Variants in DGCR2 observed in about 807,000 individuals in gnomAD.
DGCR2 encodes integral membrane protein DGCR2/IDD.
In DGCR2, 24 loss-of-function variants were observed where a neutral mutation model predicts 51.6. The observed-to-expected ratio is 0.47, with a 90% confidence interval of 0.34 to 0.65. DGCR2 has a LOEUF of 0.65. DGCR2 is among the 30% of genes least tolerant of loss of function. DGCR2 has a pLI of 0.01. For missense variants in DGCR2, 765 were observed against 772.1 expected (o/e 0.99, Z 0.11); for synonymous variants, 340 against 315.4 (o/e 1.08, Z -0.82).
intron 1 of DGCR2, among the ~76,000 whole-genome samples, chr22:19,111,679 C>G (rs930175124): frequency 2.6e-5 from 4 of 152,108 alleles, no homozygotes; most frequent in Non-Finnish European, 4.4e-5. Context: ...CTCCCCCATA[C>G]CACTGCATAC....
At chr22:19,063,055 G>C in intron 5 of DGCR2, 147 bp downstream of exon 5, 1 of 700,536 alleles carries the variant, frequency 1.4e-6, no homozygotes, top group Non-Finnish European at 2.4e-6. Flanking sequence ...CCCCATGACC[G>C]CAGCCCTCCC....
intron 2 of DGCR2, among the ~76,000 whole-genome samples, chr22:19,068,689 C>T (rs2082778933): frequency 6.6e-6 from 1 of 152,196 alleles, no homozygotes; most frequent in African/African-American, 2.4e-5. Flanking sequence ...GTCCTGGGGC[C>T]TGAGCTGCCT....
In DGCR2 at chr22:19,041,893, AAGG is replaced by A. The variant is rs772775284; in HGVS notation, c.1070_1072del (p.Ser357del). 745 of 1,613,654 alleles carry A rather than the reference AAGG, an allele frequency of 4.6e-4. 2 individuals are homozygous for A. The highest frequency in any genetic ancestry group is 5.8e-4 in the Non-Finnish European group (684 of 1,179,980). On this transcript the variant is annotated inframe_deletion, in exon 8 of 10. Transcript: ENST00000263196. Reference sequence around the variant, plus strand: ...GAAGAGCAGCAGTGACAGGATGAGGAAGGAGGAGATGCAGCTGACGACCAGGCG... The same window carrying A: ...GAAGAGCAGCAGTGACAGGATGAGGAAGGAGATGCAGCTGACGACCAGGCG...
At chr22:19,079,679 T>C (rs993525278) in intron 2 of DGCR2, among the ~76,000 whole-genome samples, 1 of 152,254 alleles carries the variant, frequency 6.6e-6, no homozygotes. Context: ...CAGGCACTAT[T>C]ATTTTCTCCA....
intron 1 of DGCR2, among the ~76,000 whole-genome samples, chr22:19,104,874 C>T (rs1214418202): frequency 6.6e-6 from 1 of 151,848 alleles, no homozygotes; most frequent in Non-Finnish European, 1.5e-5. Context: ...TTGTCCAGCA[C>T]ACTTCAAAGC....
chr22:19,065,615 G>A (rs2082739620), intron 3 of DGCR2: 1 of 158,618 alleles, frequency 6.3e-6, no homozygotes, highest in Non-Finnish European at 1.4e-5. Context: ...TAAGGTGTGG[G>A]CGATGCCACA....
At chr22:19,074,361 A>C (rs74553774) in intron 2 of DGCR2, among the ~76,000 whole-genome samples, 2,431 of 151,052 alleles carry the variant, frequency 0.016, 85 homozygotes, top group East Asian at 0.061. Flanking sequence ...AGGAGGTTGC[A>C]GTGAGCCGAG....
At chr22:19,114,062 GAAAAAAAAAAA>G (rs55948025) in intron 1 of DGCR2, among the ~76,000 whole-genome samples, 8 of 80,988 alleles carry the variant, frequency 9.9e-5, no homozygotes, top group East Asian at 7.5e-4. Context: ...TCCATTTGAG[GAAAAAAAAAAA>G]AAAAAAAAAA....
chr22:19,062,915 T>C (rs960395155), intron 5 of DGCR2, among the ~76,000 whole-genome samples: 1 of 152,058 alleles, frequency 6.6e-6, no homozygotes, highest in Non-Finnish European at 1.5e-5. Flanking sequence ...TGCTCATTTT[T>C]ATACTCCAAG....
At chr22:19,116,630 C>T (rs1227772484) in intron 1 of DGCR2, among the ~76,000 whole-genome samples, 1 of 152,186 alleles carries the variant, frequency 6.6e-6, no homozygotes, top group Non-Finnish European at 1.5e-5. Flanking sequence ...AAGAGAAAAT[C>T]TAATAGCATA....
chr22:19,051,036 A>C (rs1054975655), intron 6 of DGCR2, among the ~76,000 whole-genome samples: 2 of 151,998 alleles, frequency 1.3e-5, no homozygotes, highest in Non-Finnish European at 2.9e-5. Flanking sequence ...TAAAAATAGA[A>C]AAATTAGCCA....
At chr22:19,046,987 G>A (rs1170637427) in intron 7 of DGCR2, 1 of 158,304 alleles carries the variant, frequency 6.3e-6, no homozygotes, top group Non-Finnish European at 1.4e-5. Flanking sequence ...CATGGCTTGT[G>A]AACAGAGTTT....
chr22:19,068,324 G>C lies in DGCR2; in HGVS notation c.203-99C>G, dbSNP rs143812601. Reference sequence around the variant, plus strand: ...ACCACTCAGGGCTGCAAGGCCGGAGGGGGGGCCTGTAGCACAGAGTCCGGC... The same window carrying C: ...ACCACTCAGGGCTGCAAGGCCGGAGCGGGGGCCTGTAGCACAGAGTCCGGC... On this transcript the variant is annotated intron_variant, in intron 2 of 9. Transcript: ENST00000263196. The C allele has an allele frequency of 3.0e-3, 4,003 of 1,355,846 alleles. 63 individuals are homozygous for C. The highest frequency in any genetic ancestry group is 0.016 in the Admixed American group (464 of 28,676). The allele number at this position is 1,355,846 out of a possible 1,614,324, so 84.0% of individuals were successfully genotyped here.
intron 8 of DGCR2, 156 bp downstream of exon 8, chr22:19,041,651 C>T: frequency 1.1e-6 from 1 of 919,960 alleles, no homozygotes; most frequent in Non-Finnish European, 1.7e-6. Context: ...TTGGCAAGAA[C>T]TTTCCTGGCC....
chr22:19,114,164 AAAG>A (rs2083349136), intron 1 of DGCR2, among the ~76,000 whole-genome samples: 3 of 151,994 alleles, frequency 2.0e-5, no homozygotes, highest in Admixed American at 2.0e-4. Flanking sequence ...AAAAAAAAAA[AAAG>A]AATGAAGTTA....
At chr22:19,120,285 C>G (rs2083418647) in intron 1 of DGCR2, among the ~76,000 whole-genome samples, 1 of 152,214 alleles carries the variant, frequency 6.6e-6, no homozygotes, top group Admixed American at 6.5e-5. Context: ...ATGCCCTACT[C>G]CGACCTCAGT....
intron 1 of DGCR2, among the ~76,000 whole-genome samples, chr22:19,102,353 G>A (rs939918390): frequency 2.6e-5 from 4 of 152,172 alleles, no homozygotes; most frequent in African/African-American, 7.2e-5. Flanking sequence ...AATGGTGCTC[G>A]TTCCATAACA....
intron 6 of DGCR2, chr22:19,056,302 G>A (rs112749344): frequency 0.028 from 5,644 of 198,174 alleles, 144 homozygotes; most frequent in South Asian, 0.061. Context: ...GCAACAGAGC[G>A]AGACTCTGTC....
intron 3 of DGCR2, among the ~76,000 whole-genome samples, chr22:19,066,312 G>T (rs2082747930): frequency 6.6e-6 from 1 of 151,996 alleles, no homozygotes; most frequent in Non-Finnish European, 1.5e-5. Context: ...GAGGTTGGAG[G>T]ATCACTTGAG....
Sources: gnomAD v4.1 joint callset for allele counts (sites outside exome capture counted in the v4.1 genomes callset) on GRCh38, gnomAD v4.1.1 for gene constraint, MANE v1.5 for transcripts, NCBI Gene and HGNC (gene_info 2026-07-23, HGNC 2026-07-21) for gene names.